The following HORMAD2 variants were observed in gnomAD, a reference collection of about 807,000 sequenced individuals.
HORMAD2 encodes the protein HORMA domain-containing protein 2.
HORMAD2 carries 45 observed loss-of-function variants against 38.8 expected under a neutral mutation model. The observed-to-expected ratio is 1.16, with a 90% CI of 0.91 to 1.49. HORMAD2 has a LOEUF of 1.49. Ranked by LOEUF, HORMAD2 falls within the 40% of genes most tolerant of loss-of-function variation. The pLI, the probability that HORMAD2 is intolerant of heterozygous loss-of-function variation, is 0.00. For synonymous variants in HORMAD2, 126 were observed against 122.8 expected, an observed-to-expected ratio of 1.03 and a Z score of -0.17; for missense variants, 338 against 367.0, an observed-to-expected ratio of 0.92 and a Z score of 0.65.
chr22:30,172,222 C>T (rs911554720), intron 10 of HORMAD2, among the ~76,000 whole-genome samples: 11 of 152,136 alleles, frequency 7.2e-5, no homozygotes, highest in African/African-American at 1.2e-4. Flanking sequence ...CAAAAAGTAA[C>T]ATGGCCAGAT....
At position 30,098,844 on chromosome 22, in the gene HORMAD2, T is replaced by G. The variant is rs1920926103; in HGVS notation, c.52-8T>G. 2.5e-6 allele frequency: 4 copies of G among 1,608,180 alleles called. No homozygotes were observed. Among genetic ancestry groups the G allele is most frequent in the Non-Finnish European group, 3.4e-6 (4 of 1,177,562 alleles). ...ACTAATCTTTTTTCACCTCCGTTGT[T>G]TTTCCAGGAAACAGTTTTCCCATCC... On this transcript the variant is annotated splice_polypyrimidine_tract_variant and splice_region_variant and intron_variant, in intron 2 of 10. Transcript: ENST00000336726.
intron 7 of HORMAD2, among the ~76,000 whole-genome samples, chr22:30,114,195 A>G (rs1921870996): frequency 6.6e-6 from 1 of 152,208 alleles, no homozygotes; most frequent in Non-Finnish European, 1.5e-5. Flanking sequence ...GTAAGTTTTG[A>G]GCTATCATTT....
intron 10 of HORMAD2, among the ~76,000 whole-genome samples, chr22:30,132,192 G>C (rs1923331000): frequency 6.6e-6 from 1 of 152,292 alleles, no homozygotes; most frequent in East Asian, 1.9e-4. Flanking sequence ...ACAACATAGT[G>C]TTGGCAAGAA....
intron 1 of HORMAD2, among the ~76,000 whole-genome samples, chr22:30,089,210 C>T (rs1023494462): frequency 6.6e-6 from 1 of 152,142 alleles, no homozygotes; most frequent in African/African-American, 2.4e-5. Flanking sequence ...CGGTCACAGG[C>T]TATCCTTGGT....
At chr22:30,097,720 A>G (rs1417699098) in intron 2 of HORMAD2, among the ~76,000 whole-genome samples, 1 of 152,140 alleles carries the variant, frequency 6.6e-6, no homozygotes, top group Non-Finnish European at 1.5e-5. Flanking sequence ...CTGAAATCCC[A>G]CTCTAAGGTA....
chr22:30,099,087 C>G, intron 3 of HORMAD2, 94 bp downstream of exon 3: 1 of 1,099,106 alleles, frequency 9.1e-7, no homozygotes, highest in East Asian at 2.6e-5. Flanking sequence ...TGTGCTAATT[C>G]CAACTTAAGG....
chr22:30,206,895 G>T, the HORMAD2 span: 2 of 341,526 alleles, frequency 5.9e-6, no homozygotes, highest in East Asian at 1.9e-4. Context: ...CCACTTCCTG[G>T]CACCTCAAGT....
intron 10 of HORMAD2, among the ~76,000 whole-genome samples, chr22:30,143,905 C>T (rs1924246682): frequency 6.6e-6 from 1 of 152,118 alleles, no homozygotes; most frequent in African/African-American, 2.4e-5. Flanking sequence ...TCTGTTGCTC[C>T]CACTCTTGCC....
At chr22:30,152,645 A>G (rs531928150) in intron 10 of HORMAD2, among the ~76,000 whole-genome samples, 7 of 152,236 alleles carry the variant, frequency 4.6e-5, no homozygotes, top group African/African-American at 1.7e-4. Flanking sequence ...TCTTTTTTAT[A>G]TTGATGATAT....
chr22:30,109,640 A>G (rs2146104818), intron 5 of HORMAD2, among the ~76,000 whole-genome samples: 1 of 152,244 alleles, frequency 6.6e-6, no homozygotes, highest in East Asian at 1.9e-4. Context: ...TTTGTATTCT[A>G]GTTTTTAAAA....
chr22:30,116,619 G>T (rs1013817663), intron 7 of HORMAD2, among the ~76,000 whole-genome samples: 6 of 152,140 alleles, frequency 3.9e-5, no homozygotes, highest in African/African-American at 1.4e-4. Context: ...GTTATATGAG[G>T]TGTTAAGAAT....
intron 2 of HORMAD2, 39 bp from the exon 3 acceptor site, chr22:30,098,813 A>G (rs777267766): frequency 6.4e-7 from 1 of 1,573,734 alleles, no homozygotes; most frequent in Middle Eastern, 1.8e-4. Context: ...GAATATATTA[A>G]ATAATACTAA....
At chr22:30,103,336 C>A in intron 3 of HORMAD2, 101 bp from the exon 4 acceptor site, 1 of 682,780 alleles carries the variant, frequency 1.5e-6, no homozygotes, top group Non-Finnish European at 2.6e-6. Flanking sequence ...AAATAAATTA[C>A]ATAAATAAAA....
the HORMAD2 span, among the ~76,000 whole-genome samples, chr22:30,193,737 A>G: frequency 3.9e-5 from 6 of 152,310 alleles, no homozygotes; most frequent in South Asian, 1.0e-3. Context: ...TTCCATAGCG[A>G]TAGGGCTTCT....
At chr22:30,119,098 A>G in intron 8 of HORMAD2, 51 bp downstream of exon 8, 2 of 1,296,494 alleles carry the variant, frequency 1.5e-6, no homozygotes, top group South Asian at 2.7e-5. Context: ...ATTGAGGTAA[A>G]CATAAGCTTC....
chr22:30,166,372 G>A (rs1361252608), intron 10 of HORMAD2, among the ~76,000 whole-genome samples: 4 of 152,142 alleles, frequency 2.6e-5, no homozygotes, highest in Non-Finnish European at 5.9e-5. Flanking sequence ...TGTCAAATAG[G>A]TAGCCACTTA....
Position 30,098,967 on chromosome 22 carries a change from G to A in HORMAD2, c.167G>A (p.Ser56Asn). The change falls in exon 3 of 11, where the codon AGC becomes AAC. Residue 56 changes from serine (S) to asparagine (N), a missense_variant. Ser to Asn is a conservative substitution (Grantham distance 46). Coordinates refer to ENST00000336726, the MANE Select transcript of HORMAD2 (RefSeq NM_152510.4). ...ITYLRGLFPE[S>N]SYGERHLDDL... ...TACCTAAGGGGCCTGTTTCCAGAGAGCTCTTATGGAGAACGCCATTTGGAT... is the reference window on the plus strand; with the variant it reads ...TACCTAAGGGGCCTGTTTCCAGAGAACTCTTATGGAGAACGCCATTTGGAT... 1.2e-6 allele frequency: 2 copies of A among 1,611,370 alleles called. No homozygotes were observed. The highest frequency in any genetic ancestry group is 1.7e-6 in the Non-Finnish European group (2 of 1,178,660).
chr22:30,115,054 G>A (rs896404888), intron 7 of HORMAD2, among the ~76,000 whole-genome samples: 3 of 152,128 alleles, frequency 2.0e-5, no homozygotes, highest in Non-Finnish European at 2.9e-5. Flanking sequence ...TGAATATGGT[G>A]AAGGCATAAA....
chr22:30,104,575 T>A, intron 5 of HORMAD2, 138 bp downstream of exon 5: 1 of 621,318 alleles, frequency 1.6e-6, no homozygotes, highest in Non-Finnish European at 2.7e-6. Flanking sequence ...ATTTCTTATC[T>A]TATGTCTTTA....
Sources: allele counts gnomAD v4.1 joint callset (sites outside exome capture counted in the v4.1 genomes callset), GRCh38; gene constraint gnomAD v4.1.1; transcripts MANE v1.5; gene names NCBI Gene and HGNC (gene_info 2026-07-23, HGNC 2026-07-21).